The following AUP1 variants were observed in gnomAD, a reference collection of about 807,000 sequenced individuals.
AUP1 encodes lipid droplet-regulating VLDL assembly factor AUP1.
AUP1 carries 30 observed loss-of-function variants against 51.8 expected under a neutral mutation model. The ratio of observed to expected loss-of-function variants is 0.58; its 90% CI spans 0.43 to 0.79. AUP1 has a LOEUF of 0.79. Ranked by LOEUF, AUP1 falls within the 30% of genes least tolerant of loss-of-function variation. The pLI, the probability that AUP1 is intolerant of heterozygous loss-of-function variation, is 0.00. For synonymous variants in AUP1, 227 were observed against 209.0 expected (o/e 1.09, Z -0.74); for missense variants, 492 against 517.1 (o/e 0.95, Z 0.47).
At chr2:74,527,099 A>T in intron 10 of AUP1, 40 bp from the exon 11 acceptor site, 1 of 1,614,018 alleles carries the variant, frequency 6.2e-7, no homozygotes. Context: ...CGGAGTCATC[A>T]TCATTAAACA....
Position 74,527,064 on chromosome 2 carries a change from G to A in AUP1, c.1078-5C>T, listed in dbSNP as rs1251289692. On this transcript the variant is annotated splice_polypyrimidine_tract_variant and splice_region_variant and intron_variant, in intron 10 of 11. Coordinates refer to ENST00000377526, the MANE Select transcript of AUP1 (RefSeq NM_181575.5). ...CACCGGGCCAGAGCTGGGAAACTGA[G>A]GTGATCACAATGTCAGAGGGCTTGC... The A allele has an allele frequency of 6.2e-7, 1 of 1,614,048 alleles. No homozygotes were observed. The highest frequency in any genetic ancestry group is 1.7e-5 in the Admixed American group (1 of 60,006).
intron 3 of AUP1, 24 bp from the exon 4 acceptor site, chr2:74,528,959 C>T: frequency 6.2e-7 from 1 of 1,607,936 alleles, no homozygotes; most frequent in Non-Finnish European, 8.5e-7. Context: ...GAAGAGAAAG[C>T]AAGAAGAAAA....
In AUP1 at chr2:74,529,616, G is replaced by A. The variant is rs1250939807; in HGVS notation, c.14C>T (p.Ser5Leu). The change falls in exon 1 of 12, where the codon TCA (serine) becomes TTA (leucine). Residue 5 changes from serine to leucine, a missense_variant. Coordinates refer to ENST00000377526, the MANE Select transcript of AUP1 (RefSeq NM_181575.5). Reference protein sequence around the residue: MELPSGPGPERLFDS... With the variant: MELPLGPGPERLFDS... ...AAAGAGCCGCTCCGGCCCCGGCCCT[G>A]AGGGAAGCTCCATAACTGCTGCTTC... The A allele has an allele frequency of 3.8e-6, 6 of 1,568,798 alleles. No homozygotes were observed. The African/African-American group carries it at 8.1e-5, about 21-fold the overall frequency.
intron 6 of AUP1, 60 bp from the exon 7 acceptor site, chr2:74,528,066 C>T: frequency 6.3e-7 from 1 of 1,588,596 alleles, no homozygotes; most frequent in Non-Finnish European, 8.6e-7. Flanking sequence ...TGTCACCATT[C>T]CCCACTTTGG....
Position 74,528,801 on chromosome 2 carries a change from T to G in AUP1, c.474A>C (p.Leu158=). 1 of 1,613,746 alleles carries G rather than the reference T, an allele frequency of 6.2e-7. No homozygotes were observed. The highest frequency in any genetic ancestry group is 8.5e-7 in the Non-Finnish European group (1 of 1,179,852). ...STRLPPTPLL[L]FPEEEATNGR... Reference sequence around the variant, plus strand: ...CATTGGTGGCCTCTTCCTCAGGGAATAGCAGCAGAGGAGTGGGGGGAAGCC... The same window carrying G: ...CATTGGTGGCCTCTTCCTCAGGGAAGAGCAGCAGAGGAGTGGGGGGAAGCC... Residue 158 remains leucine (L), a synonymous_variant, in exon 4 of 12, where the codon CTA becomes CTC. Coordinates refer to ENST00000377526, the MANE Select transcript of AUP1 (RefSeq NM_181575.5).
In AUP1 at chr2:74,529,530, C is replaced by G. The variant is rs773326205; in HGVS notation, c.51-31G>C. The G allele has an allele frequency of 2.6e-6, 4 of 1,548,252 alleles. No individual in the cohort carries two copies. In the African/African-American group the frequency reaches 4.1e-5, roughly 16 times the overall value. On this transcript the variant is annotated intron_variant, in intron 1 of 11. Transcript: ENST00000377526. ...GGCGAGAGGCGAAGTGGTCAGGCGC[C>G]GAAGGCCGAGAGCACGCGGGGATCG...
intron 6 of AUP1, 84 bp downstream of exon 6, chr2:74,528,164 C>CTTTAT: frequency 6.6e-7 from 1 of 1,504,772 alleles, no homozygotes; most frequent in Non-Finnish European, 9.2e-7. Flanking sequence ...TAAAGATCTA[C>CTTTAT]AAATGGACAG....
intron 4 of AUP1, 116 bp from the exon 5 acceptor site, chr2:74,528,605 G>C: frequency 7.3e-7 from 1 of 1,379,062 alleles, no homozygotes; most frequent in Non-Finnish European, 1.0e-6. Context: ...AGAATGAAGG[G>C]ATTCAGGAGA....
rs371141543 is a variant in AUP1 at position 74,528,801 on chromosome 2, T to A, written c.474A>T (p.Leu158=). ...STRLPPTPLL[L]FPEEEATNGR... ...CATTGGTGGCCTCTTCCTCAGGGAATAGCAGCAGAGGAGTGGGGGGAAGCC... is the reference window on the plus strand; with the variant it reads ...CATTGGTGGCCTCTTCCTCAGGGAAAAGCAGCAGAGGAGTGGGGGGAAGCC... Residue 158 remains leucine (L), a synonymous_variant, in exon 4 of 12, where the codon CTA becomes CTT. Transcript: ENST00000377526. The A allele has an allele frequency of 1.1e-5, 17 of 1,613,746 alleles. No homozygotes were observed. The South Asian group carries it at 1.9e-4, about 18-fold the overall frequency.
rs1675202291 is a variant in AUP1 at position 74,526,658 on chromosome 2, G to A, written c.*142C>T. 8 of 1,097,222 alleles carry A rather than the reference G, an allele frequency of 7.3e-6. No individual in the cohort carries two copies. The East Asian group carries it at 2.0e-4, about 27-fold the overall frequency. 68.0% of individuals were successfully genotyped at this position (1,097,222 alleles called of 1,614,324 possible). Reference sequence around the variant, plus strand: ...GAGAGAGACAACAGATGCCTTGAATGAAAACCATGAATTTAATGTGACATT... The same window carrying A: ...GAGAGAGACAACAGATGCCTTGAATAAAAACCATGAATTTAATGTGACATT... On this transcript the variant is annotated 3_prime_UTR_variant, in exon 12 of 12. Transcript: ENST00000377526.
At chr2:74,528,376 C>G in intron 5 of AUP1, 41 bp downstream of exon 5, 2 of 1,611,708 alleles carry the variant, frequency 1.2e-6, no homozygotes, top group Admixed American at 3.3e-5. Context: ...GGGAAATTTC[C>G]CCTTCAAGCC....
At position 74,529,579 on chromosome 2, in the gene AUP1, C is replaced by T. The variant is rs1380001073; in HGVS notation, c.50+1G>A. 1.9e-6 allele frequency: 3 copies of T among 1,564,436 alleles called. No homozygotes were observed. Among genetic ancestry groups the T allele is most frequent in the Non-Finnish European group, 1.7e-6 (2 of 1,152,368 alleles). On this transcript the variant is annotated splice_donor_variant, in intron 1 of 11. Coordinates refer to ENST00000377526, the MANE Select transcript of AUP1 (RefSeq NM_181575.5). LOFTEE classifies it high-confidence loss of function. ...CGGTCTCTTCCCGCCGGGTCTCTTA[C>T]CGGTGCGAGTCAAAGAGCCGCTCCG...
In AUP1 at chr2:74,528,868, C is replaced by A. The variant is rs749922530; in HGVS notation, c.407G>T (p.Gly136Val). ...SRGFMEMNGR[G>V]ELVESLKRFC... ...TCTCTTGAGTGACTCCACCAACTCC[C>A]CCCGCCCATTCATCTCCATGAAGCC... Residue 136 changes from glycine (G) to valine (V), a missense_variant, in exon 4 of 12, where the codon GGG (glycine) becomes GTG (valine). Transcript: ENST00000377526. The A allele has an allele frequency of 1.2e-6, 2 of 1,614,160 alleles. No individual in the cohort carries two copies. Among genetic ancestry groups the A allele is most frequent in the Admixed American group, 3.3e-5 (2 of 60,020 alleles).
chr2:74,527,168 GAA>G, intron 10 of AUP1, 78 bp downstream of exon 10: 1 of 1,601,100 alleles, frequency 6.2e-7, no homozygotes, highest in Non-Finnish European at 8.5e-7. Context: ...GATCAAAAAA[GAA>G]AGGTCAGGGA....
chr2:74,527,007 T>C lies in AUP1; in HGVS notation c.1130A>G (p.Lys377Arg), dbSNP rs769016062. 5.0e-6 allele frequency: 8 copies of C among 1,614,036 alleles called. No homozygotes were observed. Among genetic ancestry groups the C allele is most frequent in the Non-Finnish European group, 3.4e-6 (4 of 1,180,038 alleles). Residue 377 changes from lysine (K) to arginine (R), a missense_variant, in exon 11 of 12, where the codon AAG becomes AGG. Physicochemically the swap from Lys to Arg is conservative, Grantham distance 26 (BLOSUM62 2). Coordinates refer to ENST00000377526, the MANE Select transcript of AUP1 (RefSeq NM_181575.5). ...TPQPTALTFA[K>R]SSWARQESLQ... is the part of the protein sequence containing the mutation. Reference sequence around the variant, plus strand: ...GCTCTCCTGCCGGGCCCAGGAAGACTTGGCAAATGTTAGGGCTGTTGGCTG... The same window carrying C: ...GCTCTCCTGCCGGGCCCAGGAAGACCTGGCAAATGTTAGGGCTGTTGGCTG...
rs376399372 is a variant in AUP1 at position 74,528,336 on chromosome 2, T to C, written c.598-15A>G. 5.0e-6 allele frequency: 8 copies of C among 1,613,928 alleles called. No homozygotes were observed. In the African/African-American group the frequency reaches 8.0e-5, roughly 16 times the overall value. On this transcript the variant is annotated splice_polypyrimidine_tract_variant and intron_variant, in intron 5 of 11. Transcript: ENST00000377526. ...TCTGACACCGTCTGAGGGGAGGGCA[T>C]GAGATGAGGCCTAAGCCAGGGCCAG...
At position 74,528,326 on chromosome 2, in the gene AUP1, G is replaced by A; in HGVS notation, c.598-5C>T. The A allele has an allele frequency of 1.2e-6, 2 of 1,614,148 alleles. No homozygotes were observed. The highest frequency in any genetic ancestry group is 1.7e-6 in the Non-Finnish European group (2 of 1,179,970). On this transcript the variant is annotated splice_region_variant and splice_polypyrimidine_tract_variant and intron_variant, in intron 5 of 11. Transcript: ENST00000377526. ...CCAGGAGGCATCTGACACCGTCTGA[G>A]GGGAGGGCATGAGATGAGGCCTAAG... is the stretch of plus-strand genomic sequence containing the variant.
At chr2:74,529,088 C>G in intron 3 of AUP1, 44 bp downstream of exon 3, 2 of 1,614,046 alleles carry the variant, frequency 1.2e-6, no homozygotes, top group Non-Finnish European at 1.7e-6. Context: ...CAGCTGGGCC[C>G]CAGGGAACCG....
intron 5 of AUP1, 31 bp from the exon 6 acceptor site, chr2:74,528,352 C>A: frequency 6.2e-7 from 1 of 1,612,646 alleles, no homozygotes; most frequent in Middle Eastern, 1.7e-4. Context: ...GAGGCCTAAG[C>A]CAGGGCCAGG....
Sources: gnomAD v4.1 joint callset for allele counts on GRCh38, gnomAD v4.1.1 for gene constraint, MANE v1.5 for transcripts, NCBI Gene and HGNC (gene_info 2026-07-23, HGNC 2026-07-21) for gene names.